Variants in CTBP2 observed in about 807,000 individuals in gnomAD.
CTBP2 encodes C-terminal binding protein 2.
CTBP2 carries 30 observed loss-of-function variants against 80.3 expected under a neutral mutation model. That is an observed-to-expected ratio of 0.37 (90% CI 0.28 to 0.51). CTBP2 has a LOEUF of 0.51. Among genes scored for constraint, CTBP2 ranks in the 20% least tolerant of loss-of-function variants. The pLI, the probability that CTBP2 is intolerant of heterozygous loss-of-function variation, is 0.93. For missense variants in CTBP2, 1,212 were observed against 1,375.3 expected (o/e 0.88, Z 1.88); for synonymous variants, 594 against 587.4 (o/e 1.01, Z -0.16).
chr10:125,001,934 G>A (rs1025240615), intron 3 of CTBP2, among the ~76,000 whole-genome samples: 1 of 151,928 alleles, frequency 6.6e-6, no homozygotes, highest in South Asian at 2.1e-4. Flanking sequence ...GTGCCCGAGA[G>A]CAGGATTCTC....
chr10:125,001,862 C>G (rs1954554897), intron 3 of CTBP2, among the ~76,000 whole-genome samples: 1 of 152,228 alleles, frequency 6.6e-6, no homozygotes, highest in Admixed American at 6.5e-5. Context: ...ATGCCCCAGG[C>G]TAAGGCTGTG....
At chr10:125,071,637 G>A (rs981795051) in intron 2 of CTBP2, among the ~76,000 whole-genome samples, 9 of 152,206 alleles carry the variant, frequency 5.9e-5, no homozygotes, top group African/African-American at 1.9e-4. Flanking sequence ...CAGTCCGCCA[G>A]GTTTTGAAGA....
intron 1 of CTBP2, among the ~76,000 whole-genome samples, chr10:125,157,381 T>G (rs1255819325): frequency 9.1e-6 from 1 of 110,428 alleles, no homozygotes; most frequent in Admixed American, 1.1e-4. Context: ...GAGGGGGTTG[T>G]CAGGTGGGGG....
At chr10:125,141,800 A>G (rs1207615759) in intron 1 of CTBP2, among the ~76,000 whole-genome samples, 1 of 152,098 alleles carries the variant, frequency 6.6e-6, no homozygotes, top group Non-Finnish European at 1.5e-5. Flanking sequence ...GCAAGCACAC[A>G]GCAAGTACAC....
At chr10:125,000,327 G>C (rs1387554857) in intron 3 of CTBP2, 1 of 152,204 alleles carries the variant, frequency 6.6e-6, no homozygotes, top group Non-Finnish European at 1.5e-5. Flanking sequence ...CCTCCCTTCT[G>C]GATGAGTCAA....
chr10:125,093,346 G>A (rs1849068515), intron 2 of CTBP2, among the ~76,000 whole-genome samples: 1 of 152,200 alleles, frequency 6.6e-6, no homozygotes, highest in South Asian at 2.1e-4. Flanking sequence ...GCGGCCAAAT[G>A]TCCTTTCTAA....
At chr10:125,085,033 C>T (rs566973170) in intron 2 of CTBP2, among the ~76,000 whole-genome samples, 5 of 152,306 alleles carry the variant, frequency 3.3e-5, no homozygotes, top group African/African-American at 7.2e-5. Flanking sequence ...AAAGATGACC[C>T]GACCTGGCGC....
chr10:125,094,374 G>A (rs185451662), intron 2 of CTBP2, among the ~76,000 whole-genome samples: 36 of 152,316 alleles, frequency 2.4e-4, no homozygotes, highest in African/African-American at 8.4e-4. Context: ...ACGGCTCAGA[G>A]CAGGGCCCTT....
At chr10:125,050,492 G>A (rs1160783744) in intron 2 of CTBP2, among the ~76,000 whole-genome samples, 2 of 152,244 alleles carry the variant, frequency 1.3e-5, no homozygotes, top group African/African-American at 2.4e-5. Context: ...GGCTTTGTTT[G>A]GTATCCATGA....
intron 1 of CTBP2, among the ~76,000 whole-genome samples, chr10:125,017,877 A>G (rs1364648530): frequency 6.6e-6 from 1 of 152,100 alleles, no homozygotes; most frequent in Non-Finnish European, 1.5e-5. Flanking sequence ...GGGGGCAGGT[A>G]GGGTGGGCAC....
chr10:124,989,545 G>A lies in CTBP2; in HGVS notation c.2931C>T (p.Asp977=). ...ATTGCTCGTTGGGGTGCTCTCGATT[G>A]TCCCCGTGTTTTGTGGGCTGGTTGG... is the stretch of plus-strand genomic sequence containing the variant. The change falls in exon 9 of 9, where the codon GAC becomes GAT. Residue 977 remains aspartate, a synonymous_variant. Coordinates refer to ENST00000309035, the MANE Select transcript of CTBP2 (RefSeq NM_022802.3). 1 of 1,613,220 alleles carries A rather than the reference G, an allele frequency of 6.2e-7. No homozygotes were observed. The highest frequency in any genetic ancestry group is 1.7e-5 in the Admixed American group (1 of 60,018).
chr10:124,994,363 G>T, intron 5 of CTBP2, 106 bp downstream of exon 7: 1 of 1,102,730 alleles, frequency 9.1e-7, no homozygotes, highest in Non-Finnish European at 1.3e-6. Context: ...CTGCTCAACA[G>T]TGTATCCAGA....
chr10:125,027,375 C>G lies in CTBP2; in HGVS notation c.385G>C (p.Asp129His), dbSNP rs201107142. The change falls in exon 1 of 9, where the codon GAC becomes CAC. Residue 129 changes from aspartate (D) to histidine (H), a missense_variant. Coordinates refer to ENST00000309035, the MANE Select transcript of CTBP2 (RefSeq NM_022802.3). ...GGGACCGGCCGGCTGACTCCTGGGTCCCGATAGAGGGGAGGCTCTTTGGGT... is the reference window on the plus strand; with the variant it reads ...GGGACCGGCCGGCTGACTCCTGGGTGCCGATAGAGGGGAGGCTCTTTGGGT... The G allele has an allele frequency of 6.2e-7, 1 of 1,613,570 alleles. No individual in the cohort carries two copies. The highest frequency in any genetic ancestry group is 2.2e-5 in the East Asian group (1 of 44,886).
chr10:124,987,803 G>A lies in CTBP2; in HGVS notation c.*1715C>T, dbSNP rs1373086180. 1 of 152,164 alleles carries A rather than the reference G, an allele frequency of 6.6e-6. No homozygotes were observed. Among genetic ancestry groups the A allele is most frequent in the Non-Finnish European group, 1.5e-5 (1 of 68,036 alleles). 9.4% of individuals were successfully genotyped at this position (152,164 alleles called of 1,614,324 possible). A position where few individuals can be genotyped will look rare whatever the true frequency, so the allele number is the denominator to read the frequency against. On this transcript the variant is annotated 3_prime_UTR_variant, in exon 9 of 9. Transcript: ENST00000309035. ...AGGGAAGTATAAGGAAGAGCTCAGA[G>A]GGAGTTTCATACCTGGAATTGTTGG...
chr10:125,159,242 AG>A, intron 1 of CTBP2, among the ~76,000 whole-genome samples: 1 of 148,870 alleles, frequency 6.7e-6, no homozygotes, highest in Non-Finnish European at 1.5e-5. Flanking sequence ...GGCGCGCCCT[AG>A]CCAGCCCCTC....
At chr10:125,022,909 G>C (rs117414309) in intron 1 of CTBP2, among the ~76,000 whole-genome samples, 1,630 of 152,374 alleles carry the variant, frequency 0.011, 12 homozygotes, top group Non-Finnish European at 0.017. Flanking sequence ...CTCAGCAGCA[G>C]GGGTGTGGGC....
At chr10:125,045,111 A>G (rs762950954) in intron 2 of CTBP2, among the ~76,000 whole-genome samples, 5 of 152,162 alleles carry the variant, frequency 3.3e-5, no homozygotes, top group Non-Finnish European at 1.5e-5. Context: ...GAGGTGATTC[A>G]TGAGGCTCTG....
intron 1 of CTBP2, among the ~76,000 whole-genome samples, chr10:125,131,649 G>GT (rs1230458218): frequency 3.3e-5 from 5 of 152,176 alleles, no homozygotes; most frequent in Non-Finnish European, 7.4e-5. Context: ...CTAAAATTGT[G>GT]TATCAGCTCA....
At chr10:125,093,273 C>A (rs750944787) in intron 2 of CTBP2, among the ~76,000 whole-genome samples, 5 of 152,212 alleles carry the variant, frequency 3.3e-5, no homozygotes, top group Non-Finnish European at 7.3e-5. Context: ...CCACAGGAAC[C>A]CTGCGGCCCA....
Sources: allele counts gnomAD v4.1 joint callset (sites outside exome capture counted in the v4.1 genomes callset), GRCh38; gene constraint gnomAD v4.1.1; transcripts MANE v1.5; gene names NCBI Gene and HGNC (gene_info 2026-07-23, HGNC 2026-07-21).